RPRD1B: variants seen among roughly 807,000 people sequenced by gnomAD.
The protein encoded by RPRD1B is regulation of nuclear pre-mRNA domain containing 1B.
A neutral mutation model predicts 41.5 loss-of-function variants in RPRD1B; 11 were observed. That is an observed-to-expected ratio of 0.27 (90% CI 0.17 to 0.44). The LOEUF (loss-of-function observed/expected upper bound fraction) is 0.44, where lower values mean the gene tolerates loss of function less well. Ranked by LOEUF, RPRD1B falls within the 20% of genes least tolerant of loss-of-function variation. The pLI is 1.00. For missense variants in RPRD1B, 248 were observed against 389.9 expected (o/e 0.64, Z 3.06); for synonymous variants, 158 against 155.6 (o/e 1.02, Z -0.12).
chr20:38,070,442 C>T, intron 6 of RPRD1B: 1 of 985,406 alleles, frequency 1.0e-6, no homozygotes, highest in Non-Finnish European at 1.2e-6. Context: ...AGGCAAAGGC[C>T]AAAGATACCA....
chr20:38,051,801 GA>G (rs2122712448), intron 3 of RPRD1B, among the ~76,000 whole-genome samples: 1 of 152,270 alleles, frequency 6.6e-6, no homozygotes, highest in African/African-American at 2.4e-5. Flanking sequence ...GCCCAGGCTG[GA>G]GTGCAATGGC....
Position 38,091,077 on chromosome 20 carries a change from TCTTG to T in RPRD1B, c.*1206_*1209del. The T allele has an allele frequency of 1.0e-6, 1 of 985,862 alleles. No individual in the cohort carries two copies. The highest frequency in any genetic ancestry group is 1.2e-6 in the Non-Finnish European group (1 of 829,920). The allele number at this position is 985,862 out of a possible 1,614,324, so 61.1% of individuals were successfully genotyped here. A position where few individuals can be genotyped will look rare whatever the true frequency, so the allele number is the denominator to read the frequency against. On this transcript the variant is annotated 3_prime_UTR_variant, in exon 7 of 7. Transcript: ENST00000373433. The stretch of plus-strand genomic sequence containing the variant: ...ATAATGTAGTTAGAGACAATTTTTA[TCTTG>T]CTTATAGTAAAGGTTCAGCCTGCCA...
At chr20:38,049,040 C>T (rs2074151674) in intron 3 of RPRD1B, among the ~76,000 whole-genome samples, 1 of 152,260 alleles carries the variant, frequency 6.6e-6, no homozygotes, top group East Asian at 1.9e-4. Flanking sequence ...ACCTCCGCCT[C>T]CTGGGTTCGA....
chr20:38,046,164 A>G (rs772023901), intron 2 of RPRD1B, among the ~76,000 whole-genome samples: 1 of 152,164 alleles, frequency 6.6e-6, no homozygotes, highest in Non-Finnish European at 1.5e-5. Context: ...TGTTGCTGGA[A>G]TGCAAAGTTC....
chr20:38,040,723 G>A (rs1267738918), intron 2 of RPRD1B, among the ~76,000 whole-genome samples, 159 bp downstream of exon 2: 1 of 152,136 alleles, frequency 6.6e-6, no homozygotes, highest in African/African-American at 2.4e-5. Context: ...GAGCCCTCAA[G>A]AACTATCGAG....
intron 6 of RPRD1B, among the ~76,000 whole-genome samples, chr20:38,086,201 A>G (rs1472083192): frequency 6.6e-6 from 1 of 152,176 alleles, no homozygotes; most frequent in African/African-American, 2.4e-5. Flanking sequence ...TTTTAAAAGC[A>G]GGGATGGGGA....
chr20:38,039,095 A>G (rs2074036336), intron 1 of RPRD1B, among the ~76,000 whole-genome samples: 2 of 152,228 alleles, frequency 1.3e-5, no homozygotes, highest in South Asian at 2.1e-4. Context: ...GAATTCAGTA[A>G]TGTTCCCCAA....
At chr20:38,042,027 C>T (rs1600679100) in intron 2 of RPRD1B, among the ~76,000 whole-genome samples, 2 of 151,036 alleles carry the variant, frequency 1.3e-5, no homozygotes, top group East Asian at 1.9e-4. Context: ...ACACAGTAGG[C>T]GTTCAGTAAA....
intron 6 of RPRD1B, among the ~76,000 whole-genome samples, chr20:38,080,049 C>T (rs1184310893): frequency 1.3e-5 from 2 of 152,100 alleles, no homozygotes; most frequent in African/African-American, 2.4e-5. Flanking sequence ...GTGTCCTTTA[C>T]CTATTTTTAA....
chr20:38,063,720 A>G (rs1201467111), intron 5 of RPRD1B, among the ~76,000 whole-genome samples: 2 of 152,150 alleles, frequency 1.3e-5, no homozygotes, highest in African/African-American at 4.8e-5. Flanking sequence ...AAACGAGGGA[A>G]TGGGATGCGC....
chr20:38,089,858 C>T lies in RPRD1B; in HGVS notation c.964C>T (p.Leu322=). Residue 322 remains leucine, a synonymous_variant, in exon 7 of 7, where the codon CTG becomes TTG. Transcript: ENST00000373433. ...GLAPLPSAGD[L]FSTD ...AGCCCCCCTGCCCTCTGCTGGGGAC[C>T]TGTTTTCAACTGACTAGGATGGGTG... The T allele has an allele frequency of 6.2e-7, 1 of 1,613,580 alleles. No individual in the cohort carries two copies. Among genetic ancestry groups the T allele is most frequent in the Non-Finnish European group, 8.5e-7 (1 of 1,179,774 alleles).
chr20:38,041,335 A>G (rs1317353446), intron 2 of RPRD1B, among the ~76,000 whole-genome samples: 2 of 152,246 alleles, frequency 1.3e-5, no homozygotes, highest in Admixed American at 6.5e-5. Flanking sequence ...AGTAGGTTAA[A>G]CATAAATTGT....
intron 3 of RPRD1B, 58 bp from the exon 4 acceptor site, chr20:38,057,474 A>G (rs1026783977): frequency 7.5e-6 from 9 of 1,199,054 alleles, no homozygotes; most frequent in East Asian, 2.3e-5. Flanking sequence ...TGTGCATAGC[A>G]TGTGACTTAT....
Position 38,090,891 on chromosome 20 carries a change from C to A in RPRD1B, c.*1016C>A, listed in dbSNP as rs1377513756. 1.0e-6 allele frequency: 1 copy of A among 985,328 alleles called. No individual in the cohort carries two copies. The highest frequency in any genetic ancestry group is 1.2e-6 in the Non-Finnish European group (1 of 829,954). 61.0% of individuals were successfully genotyped at this position (985,328 alleles called of 1,614,324 possible). On this transcript the variant is annotated 3_prime_UTR_variant, in exon 7 of 7. Coordinates refer to ENST00000373433, the MANE Select transcript of RPRD1B (RefSeq NM_021215.4). ...CAAATAGGACGCTGAGCAGGTCCGTCTGTCATGTCACGCCACTGCACAGGT... is the reference window on the plus strand; with the variant it reads ...CAAATAGGACGCTGAGCAGGTCCGTATGTCATGTCACGCCACTGCACAGGT...
intron 3 of RPRD1B, among the ~76,000 whole-genome samples, chr20:38,056,997 T>C (rs2074249276): frequency 6.6e-6 from 1 of 152,232 alleles, no homozygotes; most frequent in South Asian, 2.1e-4. Context: ...AAGTAATTTT[T>C]CTCAGTAGTA....
intron 5 of RPRD1B, among the ~76,000 whole-genome samples, chr20:38,061,260 A>G (rs1327888303): frequency 1.3e-5 from 2 of 152,226 alleles, no homozygotes; most frequent in Admixed American, 6.5e-5. Context: ...CTGAAACTCT[A>G]TACCCGTTAA....
chr20:38,064,865 A>G (rs2074337126), intron 5 of RPRD1B, among the ~76,000 whole-genome samples: 1 of 151,830 alleles, frequency 6.6e-6, no homozygotes, highest in Admixed American at 6.6e-5. Context: ...GGGGGCCTGT[A>G]CTCCCAGCTA....
intron 3 of RPRD1B, among the ~76,000 whole-genome samples, chr20:38,057,167 A>T (rs748251464): frequency 1.3e-5 from 2 of 151,908 alleles, no homozygotes; most frequent in Admixed American, 1.3e-4. Context: ...AGCATAACGT[A>T]TCTCATTTTA....
intron 6 of RPRD1B, among the ~76,000 whole-genome samples, chr20:38,069,716 A>G (rs1171335261): frequency 6.6e-6 from 1 of 152,252 alleles, no homozygotes; most frequent in Non-Finnish European, 1.5e-5. Flanking sequence ...GGGTTAGGGT[A>G]GAATTCAAGA....
Sources: allele counts gnomAD v4.1 joint callset (sites outside exome capture counted in the v4.1 genomes callset), GRCh38; gene constraint gnomAD v4.1.1; transcripts MANE v1.5; gene names NCBI Gene and HGNC (gene_info 2026-07-23, HGNC 2026-07-21).